The following SYT10 variants were observed in gnomAD, a reference collection of about 807,000 sequenced individuals.
SYT10 encodes the protein synaptotagmin-10.
In SYT10, 31 loss-of-function variants were observed where a neutral mutation model predicts 51.1. The ratio of observed to expected loss-of-function variants is 0.61; its 90% CI spans 0.46 to 0.82. SYT10 has a LOEUF of 0.82. Among genes scored for constraint, SYT10 ranks in the 40% least tolerant of loss-of-function variants. The pLI, the probability that SYT10 is intolerant of heterozygous loss-of-function variation, is 0.00. For missense variants in SYT10, 603 were observed against 634.0 expected (o/e 0.95, Z 0.53); for synonymous variants, 233 against 225.9 (o/e 1.03, Z -0.28).
At chr12:33,402,507 A>C (rs1866315411) in intron 3 of SYT10, among the ~76,000 whole-genome samples, 2 of 152,282 alleles carry the variant, frequency 1.3e-5, no homozygotes, top group South Asian at 4.1e-4. Flanking sequence ...ACAATTATAT[A>C]ATAATTTACA....
chr12:33,414,641 G>A (rs938327604), intron 2 of SYT10, among the ~76,000 whole-genome samples: 5 of 152,164 alleles, frequency 3.3e-5, no homozygotes, highest in African/African-American at 1.2e-4. Flanking sequence ...TGAGAACAAA[G>A]CCACAACATA....
At chr12:33,377,531 C>T (rs1866073473) in intron 6 of SYT10, among the ~76,000 whole-genome samples, 1 of 152,096 alleles carries the variant, frequency 6.6e-6, no homozygotes, top group Non-Finnish European at 1.5e-5. Context: ...GAGATACTTT[C>T]TCACAATCCT....
chr12:33,390,871 AT>A (rs1866198898), intron 3 of SYT10, among the ~76,000 whole-genome samples: 2 of 152,206 alleles, frequency 1.3e-5, no homozygotes, highest in African/African-American at 4.8e-5. Context: ...CACACAATTA[AT>A]TAGGGGACAA....
At chr12:33,436,201 A>G (rs1866636257) in intron 1 of SYT10, among the ~76,000 whole-genome samples, 1 of 152,168 alleles carries the variant, frequency 6.6e-6, no homozygotes, top group Non-Finnish European at 1.5e-5. Context: ...CCAGTTTAAA[A>G]ACGATTATAT....
At chr12:33,412,265 T>G (rs1419806044) in intron 2 of SYT10, among the ~76,000 whole-genome samples, 1 of 152,164 alleles carries the variant, frequency 6.6e-6, no homozygotes, top group African/African-American at 2.4e-5. Flanking sequence ...AGTAACATTT[T>G]TGTTCTAGTA....
intron 3 of SYT10, among the ~76,000 whole-genome samples, chr12:33,400,288 C>T (rs1425067077): frequency 1.6e-4 from 24 of 152,018 alleles, no homozygotes; most frequent in Admixed American, 1.6e-3. Flanking sequence ...AAAGACACCT[C>T]TAGATTAAAA....
At chr12:33,377,548 C>A (rs1485941088) in intron 6 of SYT10, among the ~76,000 whole-genome samples, 1 of 152,044 alleles carries the variant, frequency 6.6e-6, no homozygotes, top group Non-Finnish European at 1.5e-5. Context: ...TCCTTAAATG[C>A]CTGTATGTAT....
chr12:33,414,562 C>A (rs947262169), intron 2 of SYT10, among the ~76,000 whole-genome samples: 1 of 152,180 alleles, frequency 6.6e-6, no homozygotes, highest in Non-Finnish European at 1.5e-5. Context: ...ATCTGAACAA[C>A]CTGCTCCTGA....
In SYT10 at chr12:33,407,254, G is replaced by C. The variant is rs1866365246; in HGVS notation, c.612C>G (p.Thr204=). 1.9e-6 allele frequency: 3 copies of C among 1,614,046 alleles called. No homozygotes were observed. Among genetic ancestry groups the C allele is most frequent in the Middle Eastern group, 1.6e-4 (1 of 6,062 alleles). ...EPVLQRGETT[T]SIGRIKPELY... Reference sequence around the variant, plus strand: ...GTTCTGGCTTTATCCTCCCAATGCTGGTTGTTGTTTCTCCTCGTTGTAAAA... The same window carrying C: ...GTTCTGGCTTTATCCTCCCAATGCTCGTTGTTGTTTCTCCTCGTTGTAAAA... The change falls in exon 3 of 7, where the codon ACC becomes ACG. Residue 204 remains threonine (T), a synonymous_variant. Transcript: ENST00000228567.
chr12:33,417,016 T>C (rs1866459962), intron 2 of SYT10, among the ~76,000 whole-genome samples: 1 of 152,150 alleles, frequency 6.6e-6, no homozygotes, highest in African/African-American at 2.4e-5. Context: ...GGAAGGTTTC[T>C]GCCATTTGCT....
chr12:33,415,094 GA>G (rs1450164312), intron 2 of SYT10, among the ~76,000 whole-genome samples: 1 of 152,130 alleles, frequency 6.6e-6, no homozygotes, highest in Non-Finnish European at 1.5e-5. Flanking sequence ...AGATGACATG[GA>G]AAAAGTGTTG....
At position 33,379,921 on chromosome 12, in the gene SYT10, G is replaced by A. The variant is rs1227919476; in HGVS notation, c.1411C>T (p.Leu471=). Residue 471 remains leucine (L), a synonymous_variant, in exon 6 of 7, where the codon CTG becomes TTG. Transcript: ENST00000228567. ...TCTCGCCCAAGACCCTCAGCATCCA[G>A]TCCTGTTCTGCACACTCCTATGACC... ...NEVIGVCRTG[L]DAEGLGRDHW... 3.1e-6 allele frequency: 5 copies of A among 1,613,752 alleles called. No individual in the cohort carries two copies. The Admixed American group carries it at 5.0e-5, about 16-fold the overall frequency.
intron 2 of SYT10, among the ~76,000 whole-genome samples, chr12:33,417,001 C>A (rs1866459814): frequency 6.6e-6 from 1 of 151,886 alleles, no homozygotes; most frequent in Non-Finnish European, 1.5e-5. Context: ...GTGGTGGGAG[C>A]CTGTGGAAGG....
chr12:33,388,631 C>T (rs1219853905), intron 3 of SYT10, among the ~76,000 whole-genome samples: 2 of 152,148 alleles, frequency 1.3e-5, no homozygotes, highest in Admixed American at 6.5e-5. Flanking sequence ...TGAACAATCA[C>T]AATAATAATC....
intron 3 of SYT10, among the ~76,000 whole-genome samples, chr12:33,392,416 A>G (rs1866215430): frequency 6.6e-6 from 1 of 152,126 alleles, no homozygotes; most frequent in Admixed American, 6.5e-5. Context: ...TTTCCTTCAA[A>G]GAAGCACAAT....
At chr12:33,383,318 C>T (rs1866131963) in intron 4 of SYT10, among the ~76,000 whole-genome samples, 1 of 151,956 alleles carries the variant, frequency 6.6e-6, no homozygotes, top group Non-Finnish European at 1.5e-5. Flanking sequence ...TGACCATCCT[C>T]TAACTGTAGC....
intron 2 of SYT10, among the ~76,000 whole-genome samples, chr12:33,419,743 T>G (rs1207636153): frequency 6.6e-6 from 1 of 152,174 alleles, no homozygotes; most frequent in East Asian, 1.9e-4. Context: ...TAGCATATAT[T>G]TAAATGAATG....
At chr12:33,379,563 AAAAAAAAAAAAAAAAAAG>A (rs943472420) in intron 6 of SYT10, among the ~76,000 whole-genome samples, 2 of 146,830 alleles carry the variant, frequency 1.4e-5, no homozygotes, top group Non-Finnish European at 3.0e-5. Flanking sequence ...AAAAAAAAAA[AAAAAAAAAAAAAAAAAAG>A]AGACTTGCAA....
At chr12:33,398,737 T>C (rs1403544077) in intron 3 of SYT10, among the ~76,000 whole-genome samples, 9 of 152,120 alleles carry the variant, frequency 5.9e-5, no homozygotes, top group Non-Finnish European at 1.2e-4. Context: ...AAACCTACCA[T>C]AAAATATATC....
Sources: gnomAD v4.1 joint callset for allele counts (sites outside exome capture counted in the v4.1 genomes callset) on GRCh38, gnomAD v4.1.1 for gene constraint, MANE v1.5 for transcripts, NCBI Gene and HGNC (gene_info 2026-07-23, HGNC 2026-07-21) for gene names.